Variants in CREB5 observed in about 807,000 individuals in gnomAD.
The protein encoded by CREB5 is cAMP responsive element binding protein 5.
A neutral mutation model predicts 57.1 loss-of-function variants in CREB5; 19 were observed. That is an observed-to-expected ratio of 0.33 (90% CI 0.23 to 0.49). The LOEUF (loss-of-function observed/expected upper bound fraction) is 0.49, where lower values mean the gene tolerates loss of function less well. Ranked by LOEUF, CREB5 falls within the 20% of genes least tolerant of loss-of-function variation. The probability of loss-of-function intolerance (pLI) is 0.99; values close to 1 mark genes in which losing one functional copy is unlikely to be tolerated. For missense variants in CREB5, 579 were observed against 671.6 expected, an observed-to-expected ratio of 0.86 and a Z score of 1.52; for synonymous variants, 238 against 238.3, an observed-to-expected ratio of 1.00 and a Z score of 0.01.
chr7:28,403,126 T>C (rs934874660), intron 1 of CREB5, among the ~76,000 whole-genome samples: 5 of 152,302 alleles, frequency 3.3e-5, no homozygotes, highest in Admixed American at 1.3e-4. Flanking sequence ...TGGCTTCAAC[T>C]AGAACATCAG....
chr7:28,483,437 C>T (rs1791421104), intron 1 of CREB5, among the ~76,000 whole-genome samples: 1 of 152,120 alleles, frequency 6.6e-6, no homozygotes, highest in South Asian at 2.1e-4. Flanking sequence ...ACTTTATGTG[C>T]TATTAGGATT....
chr7:28,325,916 C>G (rs1328865052), intron 1 of CREB5, among the ~76,000 whole-genome samples: 3 of 152,216 alleles, frequency 2.0e-5, no homozygotes, highest in African/African-American at 7.2e-5. Flanking sequence ...AAGCTGGCTT[C>G]TGTGTCCTTT....
At chr7:28,727,930 C>CTGTTTGTT (rs112375352) in intron 7 of CREB5, among the ~76,000 whole-genome samples, 141 of 151,172 alleles carry the variant, frequency 9.3e-4, no homozygotes, top group African/African-American at 1.5e-3. Context: ...GATATTGTCC[C>CTGTTTGTT]TGTTTGTTTG....
intron 1 of CREB5, among the ~76,000 whole-genome samples, chr7:28,313,490 T>C (rs556249614): frequency 6.6e-6 from 1 of 152,360 alleles, no homozygotes; most frequent in East Asian, 1.9e-4. Context: ...CTGACTGTAT[T>C]GGCAGTCTGA....
intron 1 of CREB5, among the ~76,000 whole-genome samples, chr7:28,455,020 C>T (rs1343234079): frequency 4.6e-5 from 7 of 152,182 alleles, no homozygotes; most frequent in East Asian, 1.9e-4. Flanking sequence ...TGCATGAACA[C>T]GGTACCTCTA....
At chr7:28,763,117 G>A (rs1337372830) in intron 7 of CREB5, among the ~76,000 whole-genome samples, 2 of 152,070 alleles carry the variant, frequency 1.3e-5, no homozygotes, top group East Asian at 3.9e-4. Context: ...TCTTGAGGGT[G>A]ATCAGATCAG....
chr7:28,394,347 C>A (rs1787296553), intron 1 of CREB5, among the ~76,000 whole-genome samples: 1 of 151,946 alleles, frequency 6.6e-6, no homozygotes, highest in African/African-American at 2.4e-5. Flanking sequence ...CATCAATAAT[C>A]ACTTTAAATG....
intron 5 of CREB5, among the ~76,000 whole-genome samples, chr7:28,664,945 T>A (rs760700885): frequency 1.3e-5 from 2 of 152,200 alleles, no homozygotes; most frequent in Non-Finnish European, 2.9e-5. Context: ...CAGGGAAGTC[T>A]GTGATCTCAG....
At chr7:28,634,570 G>A (rs188361438) in intron 5 of CREB5, among the ~76,000 whole-genome samples, 7 of 152,150 alleles carry the variant, frequency 4.6e-5, no homozygotes, top group African/African-American at 1.7e-4. Flanking sequence ...AGCCTTACAA[G>A]CCCTCCCCTG....
chr7:28,641,971 T>A (rs1235876933), intron 5 of CREB5, among the ~76,000 whole-genome samples: 1 of 152,200 alleles, frequency 6.6e-6, no homozygotes, highest in East Asian at 1.9e-4. Flanking sequence ...CACGTGTTCC[T>A]GGGTGTGCAT....
At chr7:28,538,370 C>T (rs938281791) in intron 4 of CREB5, among the ~76,000 whole-genome samples, 1 of 152,092 alleles carries the variant, frequency 6.6e-6, no homozygotes, top group Non-Finnish European at 1.5e-5. Flanking sequence ...TCCATTTCAA[C>T]TAGACACATG....
At chr7:28,766,297 A>C (rs1243328666) in intron 7 of CREB5, among the ~76,000 whole-genome samples, 1 of 152,072 alleles carries the variant, frequency 6.6e-6, no homozygotes, top group African/African-American at 2.4e-5. Context: ...CCTTCCCTGC[A>C]CAAGCACCCC....
chr7:28,743,570 CTGTT>C (rs1423103039), intron 7 of CREB5, among the ~76,000 whole-genome samples: 1 of 152,090 alleles, frequency 6.6e-6, no homozygotes, highest in African/African-American at 2.4e-5. Context: ...GCTTAGGAAA[CTGTT>C]TGTTTCTGTA....
intron 1 of CREB5, among the ~76,000 whole-genome samples, chr7:28,452,399 A>G (rs1157281492): frequency 2.0e-5 from 3 of 152,236 alleles, no homozygotes; most frequent in African/African-American, 7.2e-5. Flanking sequence ...ACACATGATT[A>G]TAAAAATGCC....
chr7:28,550,346 G>C (rs182954883), intron 4 of CREB5, among the ~76,000 whole-genome samples: 1 of 152,320 alleles, frequency 6.6e-6, no homozygotes, highest in East Asian at 1.9e-4. Context: ...GCTGAGGTCA[G>C]TGCTGTCTCC....
intron 5 of CREB5, among the ~76,000 whole-genome samples, chr7:28,589,476 C>A (rs1459829639): frequency 2.6e-5 from 4 of 152,144 alleles, no homozygotes; most frequent in Non-Finnish European, 5.9e-5. Flanking sequence ...ATGGTGTGAA[C>A]CCAGGAGGCG....
At chr7:28,553,511 AG>A (rs147418908) in intron 4 of CREB5, among the ~76,000 whole-genome samples, 12,609 of 152,166 alleles carry the variant, frequency 0.083, 583 homozygotes, top group South Asian at 0.13. Flanking sequence ...GGCAGCTTGG[AG>A]GGGGTAAAAA....
At chr7:28,809,837 C>G (rs1170541497) in intron 9 of CREB5, among the ~76,000 whole-genome samples, 1 of 152,188 alleles carries the variant, frequency 6.6e-6, no homozygotes, top group African/African-American at 2.4e-5. Flanking sequence ...TTGCCCAGTG[C>G]CTGGCCCATA....
chr7:28,395,002 A>G (rs1787308168), intron 1 of CREB5, among the ~76,000 whole-genome samples: 1 of 152,094 alleles, frequency 6.6e-6, no homozygotes, highest in African/African-American at 2.4e-5. Context: ...AAAGACACAG[A>G]TTATCTCTAT....
Sources: allele counts gnomAD v4.1 joint callset (sites outside exome capture counted in the v4.1 genomes callset), GRCh38; gene constraint gnomAD v4.1.1; transcripts MANE v1.5; gene names NCBI Gene and HGNC (gene_info 2026-07-23, HGNC 2026-07-21).